CSMD1: variants seen among roughly 807,000 people sequenced by gnomAD.
The protein encoded by CSMD1 is CUB and Sushi multiple domains 1.
CSMD1 carries 213 observed loss-of-function variants against 417.5 expected under a neutral mutation model. The observed-to-expected ratio is 0.51, with a 90% confidence interval of 0.46 to 0.57. The LOEUF (loss-of-function observed/expected upper bound fraction) is 0.57. CSMD1 is among the 20% of genes least tolerant of loss of function. The pLI is 0.00. For missense variants in CSMD1, 6,923 were observed against 4,529.7 expected, an observed-to-expected ratio of 1.53 and a Z score of -15.17; for synonymous variants, 2,862 against 1,736.8, an observed-to-expected ratio of 1.65 and a Z score of -16.11.
At chr8:4,841,430 C>T (rs1800828914) in intron 1 of CSMD1, among the ~76,000 whole-genome samples, 1 of 152,122 alleles carries the variant, frequency 6.6e-6, no homozygotes, top group Admixed American at 6.5e-5. Flanking sequence ...ATAACAAATC[C>T]CTACCACATG....
At chr8:4,846,423 C>A (rs1377919846) in intron 1 of CSMD1, among the ~76,000 whole-genome samples, 1 of 152,174 alleles carries the variant, frequency 6.6e-6, no homozygotes, top group Non-Finnish European at 1.5e-5. Flanking sequence ...AGTGCCCCAG[C>A]CAGGCTTGTC....
chr8:3,701,739 T>A (rs1185676994), intron 7 of CSMD1, among the ~76,000 whole-genome samples: 1 of 152,152 alleles, frequency 6.6e-6, no homozygotes, highest in Admixed American at 6.5e-5. Context: ...ACAGTTATAA[T>A]TACATCATTA....
chr8:4,833,346 A>G (rs1352292211), intron 1 of CSMD1, among the ~76,000 whole-genome samples: 1 of 152,174 alleles, frequency 6.6e-6, no homozygotes, highest in Non-Finnish European at 1.5e-5. Context: ...GACAATGGTG[A>G]AGGAGGAAGT....
intron 1 of CSMD1, among the ~76,000 whole-genome samples, chr8:4,900,031 C>G (rs755223228): frequency 2.4e-4 from 36 of 152,156 alleles, no homozygotes; most frequent in Non-Finnish European, 5.0e-4. Flanking sequence ...CTCTCTTCCT[C>G]AAAATACGAC....
chr8:3,871,372 T>C lies in CSMD1; in HGVS notation c.819-117330A>G, dbSNP rs531464078. The stretch of plus-strand genomic sequence containing the variant: ...ACTATTATGTCTCTTACTAAAATAA[T>C]GGATTAAAAAAACTTGCATTGGTTT... On this transcript the variant is annotated intron_variant, in intron 5 of 69. Coordinates refer to ENST00000635120, the MANE Select transcript of CSMD1 (RefSeq NM_033225.6). Among the ~76,000 whole-genome samples the C allele has an allele frequency of 2.1e-3, 322 of 152,216 alleles. 2 individuals carry two copies. The highest frequency in any genetic ancestry group is 7.5e-3 in the African/African-American group (313 of 41,574).
intron 3 of CSMD1, among the ~76,000 whole-genome samples, chr8:4,385,898 G>A (rs1398632967): frequency 6.6e-6 from 1 of 152,136 alleles, no homozygotes; most frequent in East Asian, 1.9e-4. Flanking sequence ...AATTTTCTCA[G>A]AACCAGTTCT....
intron 3 of CSMD1, among the ~76,000 whole-genome samples, chr8:4,181,251 C>T (rs1413258559): frequency 6.6e-6 from 1 of 152,084 alleles, no homozygotes; most frequent in African/African-American, 2.4e-5. Flanking sequence ...GCCATACCAC[C>T]CTGAACGTGC....
intron 3 of CSMD1, among the ~76,000 whole-genome samples, chr8:4,191,733 G>A (rs893154540): frequency 8.9e-6 from 1 of 112,704 alleles, no homozygotes; most frequent in Non-Finnish European, 1.8e-5. Context: ...TGAAAAAAGG[G>A]AAGGTCATTC....
rs544390863 is a variant in CSMD1 at position 3,419,227 on chromosome 8, A to T, written c.1562-9622T>A. The stretch of plus-strand genomic sequence containing the variant: ...AGCACCTAAGTGGTCATCCTCACAG[A>T]AGGATACTATCAGGCTTACAATCTG... On this transcript the variant is annotated intron_variant, in intron 12 of 69. Transcript: ENST00000635120. Among the ~76,000 whole-genome samples the T allele has an allele frequency of 5.9e-5, 9 of 152,316 alleles. No homozygotes were observed. In the South Asian group the frequency reaches 1.9e-3, roughly 32 times the overall value.
intron 5 of CSMD1, among the ~76,000 whole-genome samples, chr8:3,865,001 T>C (rs1804983919): frequency 6.6e-6 from 1 of 152,220 alleles, no homozygotes; most frequent in African/African-American, 2.4e-5. Context: ...TTTAGTCTGG[T>C]TGAGGTGCTA....
chr8:4,527,914 G>T (rs926747867), intron 2 of CSMD1, among the ~76,000 whole-genome samples: 4 of 152,154 alleles, frequency 2.6e-5, no homozygotes, highest in Admixed American at 1.3e-4. Context: ...CCTACAGGGC[G>T]TGCCTGCTTC....
chr8:4,223,072 A>G (rs75923942), intron 3 of CSMD1, among the ~76,000 whole-genome samples: 56 of 152,242 alleles, frequency 3.7e-4, no homozygotes, highest in South Asian at 4.1e-4. Context: ...AGAGCTGCCT[A>G]AACAGCTGGT....
intron 2 of CSMD1, among the ~76,000 whole-genome samples, chr8:4,456,898 G>T (rs890285925): frequency 6.6e-6 from 1 of 150,686 alleles, no homozygotes; most frequent in Non-Finnish European, 1.5e-5. Flanking sequence ...ACCCGTATTT[G>T]AAGCCAGTTT....
intron 3 of CSMD1, among the ~76,000 whole-genome samples, chr8:4,198,001 C>T (rs1432478388): frequency 6.6e-6 from 1 of 152,206 alleles, no homozygotes; most frequent in Non-Finnish European, 1.5e-5. Context: ...AACATGCTAT[C>T]TTTCCTTAAG....
At chr8:4,526,192 G>A (rs1796504227) in intron 2 of CSMD1, among the ~76,000 whole-genome samples, 1 of 152,166 alleles carries the variant, frequency 6.6e-6, no homozygotes, top group South Asian at 2.1e-4. Flanking sequence ...TAGAAACTTT[G>A]TAGTTCACAG....
chr8:4,321,447 C>T (rs67460606), intron 3 of CSMD1, among the ~76,000 whole-genome samples: 26,683 of 152,122 alleles, frequency 0.18, 3,074 homozygotes, highest in African/African-American at 0.33. Context: ...CCTTGGGAAT[C>T]TTACCTTATC....
chr8:4,358,655 G>C (rs953136166), intron 3 of CSMD1, among the ~76,000 whole-genome samples: 2 of 152,144 alleles, frequency 1.3e-5, no homozygotes, highest in African/African-American at 2.4e-5. Flanking sequence ...ATTCCTTTTA[G>C]TGCTAACTTG....
chr8:2,998,142 G>C lies in CSMD1; in HGVS notation c.8246C>G (p.Thr2749Ser), dbSNP rs772024989. ...GHPGNPAHGF[T>S]NGSEFNLNDV... ...ATTCAGGTTGAACTCACTGCCATTA[G>C]TGAATCCGTGGGCAGGGTTTCCAGG... Residue 2749 changes from threonine (T) to serine (S), a missense_variant, in exon 54 of 70, where the codon ACT becomes AGT. Physicochemically the swap from Thr to Ser is moderately conservative, Grantham distance 58. Coordinates refer to ENST00000635120, the MANE Select transcript of CSMD1 (RefSeq NM_033225.6). 6.2e-6 allele frequency: 10 copies of C among 1,613,920 alleles called. No individual in the cohort carries two copies. The highest frequency in any genetic ancestry group is 2.2e-5 in the East Asian group (1 of 44,896).
At chr8:4,878,954 G>T (rs1163117271) in intron 1 of CSMD1, among the ~76,000 whole-genome samples, 2 of 151,828 alleles carry the variant, frequency 1.3e-5, no homozygotes, top group African/African-American at 2.4e-5. Context: ...GACCTGCCAA[G>T]GCACAGTGAG....
Sources: gnomAD v4.1 joint callset for allele counts (sites outside exome capture counted in the v4.1 genomes callset) on GRCh38, gnomAD v4.1.1 for gene constraint, MANE v1.5 for transcripts, NCBI Gene and HGNC (gene_info 2026-07-23, HGNC 2026-07-21) for gene names.